NMNAT1: variants seen among roughly 807,000 people sequenced by gnomAD.
NMNAT1 encodes the protein nicotinamide/nicotinic acid mononucleotide adenylyltransferase 1.
NMNAT1 carries 11 observed loss-of-function variants against 16.7 expected under a neutral mutation model. The ratio of observed to expected loss-of-function variants is 0.66; its 90% CI spans 0.41 to 1.09. NMNAT1 has a LOEUF of 1.09. Among genes scored for constraint, NMNAT1 ranks in the 50% least tolerant of loss-of-function variants. The pLI is 0.00. For synonymous variants in NMNAT1, 110 were observed against 119.8 expected, an observed-to-expected ratio of 0.92 and a Z score of 0.53; for missense variants, 280 against 332.3, an observed-to-expected ratio of 0.84 and a Z score of 1.22.
At chr1:9,964,444 C>A (rs538559083) in intron 1 of NMNAT1, among the ~76,000 whole-genome samples, 1 of 151,928 alleles carries the variant, frequency 6.6e-6, no homozygotes, top group Admixed American at 6.6e-5. Context: ...GTAGCTGAGG[C>A]AGGAGGATCC....
chr1:9,944,185 C>T (rs1640905211), intron 1 of NMNAT1, among the ~76,000 whole-genome samples: 1 of 151,892 alleles, frequency 6.6e-6, no homozygotes, highest in Non-Finnish European at 1.5e-5. Flanking sequence ...ATCCTGGAGG[C>T]GGAGGTTACA....
intron 1 of NMNAT1, chr1:9,947,437 TC>T: frequency 6.6e-6 from 1 of 152,590 alleles, no homozygotes. Flanking sequence ...TGTATATCCC[TC>T]CCGAAGCTGC....
chr1:9,976,419 A>G (rs1238218032), intron 3 of NMNAT1, among the ~76,000 whole-genome samples: 1 of 152,160 alleles, frequency 6.6e-6, no homozygotes, highest in Non-Finnish European at 1.5e-5. Context: ...TGTTATTATC[A>G]TCAGTCTTCC....
Position 9,984,564 on chromosome 1 carries a change from G to T in NMNAT1, c.*1863G>T, listed in dbSNP as rs897157398. 1 of 152,128 alleles carries T rather than the reference G, an allele frequency of 6.6e-6. No individual in the cohort carries two copies. The highest frequency in any genetic ancestry group is 1.5e-5 in the Non-Finnish European group (1 of 68,042). The allele number at this position is 152,128 out of a possible 1,614,324, so 9.4% of individuals were successfully genotyped here. A position where few individuals can be genotyped will look rare whatever the true frequency, so the allele number is the denominator to read the frequency against. On this transcript the variant is annotated 3_prime_UTR_variant, in exon 5 of 5. Transcript: ENST00000377205. ...AGGGGAATAAATATTAATGACTGAC[G>T]TGAAGAAAATATGCCATTGTTTATT...
chr1:9,976,511 G>A (rs1641817476), intron 3 of NMNAT1, among the ~76,000 whole-genome samples: 1 of 152,082 alleles, frequency 6.6e-6, no homozygotes, highest in South Asian at 2.1e-4. Context: ...TGATTCGTGT[G>A]CTGCTTCCAT....
chr1:9,964,191 C>A (rs564765670), intron 1 of NMNAT1, among the ~76,000 whole-genome samples: 3 of 151,536 alleles, frequency 2.0e-5, no homozygotes, highest in Non-Finnish European at 4.4e-5. Context: ...CACACCGGGC[C>A]GAAAGTATTT....
intron 2 of NMNAT1, among the ~76,000 whole-genome samples, chr1:9,973,826 T>G (rs1001219716): frequency 1.3e-4 from 20 of 149,786 alleles, no homozygotes; most frequent in African/African-American, 4.9e-4. Flanking sequence ...GAGTTTGAGA[T>G]CAGCCTGGCC....
downstream of NMNAT1, among the ~76,000 whole-genome samples, chr1:9,985,723 C>T (rs1050656643): frequency 6.6e-6 from 1 of 152,122 alleles, no homozygotes; most frequent in African/African-American, 2.4e-5. Flanking sequence ...AGTGCAGTGG[C>T]ACAGTCTCGG....
At chr1:9,979,538 C>T (rs1161964337) in intron 3 of NMNAT1, among the ~76,000 whole-genome samples, 2 of 152,068 alleles carry the variant, frequency 1.3e-5, no homozygotes, top group Admixed American at 6.6e-5. Flanking sequence ...CAGTGGCTCA[C>T]GCCTGTAATC....
intron 2 of NMNAT1, among the ~76,000 whole-genome samples, chr1:9,974,813 C>G (rs1192095123): frequency 6.6e-6 from 1 of 152,094 alleles, no homozygotes; most frequent in African/African-American, 2.4e-5. Context: ...TGTGAGCCAC[C>G]ACACCTGGCC....
intron 1 of NMNAT1, among the ~76,000 whole-genome samples, chr1:9,969,124 T>G (rs540365329): frequency 6.6e-6 from 1 of 152,076 alleles, no homozygotes; most frequent in East Asian, 1.9e-4. Flanking sequence ...TTGTAGAGTC[T>G]GACTAATCCA....
intron 2 of NMNAT1, among the ~76,000 whole-genome samples, chr1:9,974,089 C>T (rs1398580521): frequency 1.3e-5 from 2 of 152,118 alleles, no homozygotes; most frequent in Admixed American, 6.6e-5. Flanking sequence ...CCTCCCACGT[C>T]GGCCTCCCAA....
At chr1:9,952,785 CA>C (rs1296402393) in intron 1 of NMNAT1, among the ~76,000 whole-genome samples, 1 of 152,044 alleles carries the variant, frequency 6.6e-6, no homozygotes, top group Non-Finnish European at 1.5e-5. Context: ...GTGATCTGCC[CA>C]CCTTGGCCTC....
At chr1:9,996,817 G>A in the NMNAT1 span, among the ~76,000 whole-genome samples, 2 of 152,146 alleles carry the variant, frequency 1.3e-5, no homozygotes, top group Non-Finnish European at 2.9e-5. Flanking sequence ...ATTCCTAGGT[G>A]CGAATCATCA....
At chr1:9,954,639 A>G (rs1296891119) in intron 1 of NMNAT1, among the ~76,000 whole-genome samples, 2 of 152,246 alleles carry the variant, frequency 1.3e-5, no homozygotes, top group East Asian at 3.9e-4. Flanking sequence ...ATTTTATAGC[A>G]GAAGGAATTT....
chr1:9,990,703 A>G, the NMNAT1 span, among the ~76,000 whole-genome samples: 1 of 152,184 alleles, frequency 6.6e-6, no homozygotes, highest in Non-Finnish European at 1.5e-5. Flanking sequence ...TCCATCAAGC[A>G]ACAGATGAGA....
intron 1 of NMNAT1, among the ~76,000 whole-genome samples, chr1:9,969,170 C>T (rs1455113780): frequency 6.6e-6 from 1 of 152,072 alleles, no homozygotes; most frequent in Non-Finnish European, 1.5e-5. Flanking sequence ...GGTTACTGAA[C>T]AGTTATGGCC....
chr1:9,992,756 C>CA, the NMNAT1 span, among the ~76,000 whole-genome samples: 4 of 151,810 alleles, frequency 2.6e-5, no homozygotes, highest in Admixed American at 6.6e-5. Flanking sequence ...CTAAAAAATA[C>CA]AAAAAATTAG....
chr1:9,963,694 A>C (rs193023585), intron 1 of NMNAT1, among the ~76,000 whole-genome samples: 2,679 of 152,230 alleles, frequency 0.018, 33 homozygotes, highest in Non-Finnish European at 0.027. Context: ...GGCGTGAGCC[A>C]CCGCATCTGG....
Sources: gnomAD v4.1 joint callset for allele counts (sites outside exome capture counted in the v4.1 genomes callset) on GRCh38, gnomAD v4.1.1 for gene constraint, MANE v1.5 for transcripts, NCBI Gene and HGNC (gene_info 2026-07-23, HGNC 2026-07-21) for gene names.